The following CLIP4 variants were observed in gnomAD, a reference collection of about 807,000 sequenced individuals.
CLIP4 encodes the protein CAP-Gly domain containing linker protein family member 4.
A neutral mutation model predicts 73.1 loss-of-function variants in CLIP4; 47 were observed. The ratio of observed to expected loss-of-function variants is 0.64; its 90% CI spans 0.51 to 0.82. CLIP4 has a LOEUF of 0.82. Among genes scored for constraint, CLIP4 ranks in the 40% least tolerant of loss-of-function variants. The pLI is 0.00. For synonymous variants in CLIP4, 306 were observed against 295.4 expected (o/e 1.04, Z -0.37); for missense variants, 874 against 852.9 (o/e 1.02, Z -0.31).
In CLIP4 at chr2:29,177,104, G is replaced by GTAT. The variant is rs1233985153; in HGVS notation, c.1796+2660_1796+2662dup. On this transcript the variant is annotated intron_variant, in intron 15 of 15. Coordinates refer to ENST00000320081, the MANE Select transcript of CLIP4 (RefSeq NM_024692.6). Reference sequence around the variant, plus strand: ...TCTCTAAACTGTATGCTTTTCAGGAGTATAAAAAGTAACAAACAGTTTGGC... The same window carrying GTAT: ...TCTCTAAACTGTATGCTTTTCAGGAGTATTATAAAAAGTAACAAACAGTTTGGC... 1.7e-3 allele frequency among the ~76,000 whole-genome samples: 256 copies of GTAT among 151,984 alleles called. 5 individuals carry two copies. The highest frequency in any genetic ancestry group is 0.017 in the Admixed American group (254 of 15,256).
At chr2:29,119,171 C>T (rs1664084484) in intron 1 of CLIP4, among the ~76,000 whole-genome samples, 1 of 152,208 alleles carries the variant, frequency 6.6e-6, no homozygotes, top group African/African-American at 2.4e-5. Flanking sequence ...GTAGCTTCTT[C>T]TGGACTTGAA....
chr2:29,151,539 TAAG>T (rs1666568497), intron 8 of CLIP4, among the ~76,000 whole-genome samples: 1 of 151,026 alleles, frequency 6.6e-6, no homozygotes, highest in African/African-American at 2.4e-5. Flanking sequence ...TTAAAAAAGA[TAAG>T]AAAATCAGGA....
At chr2:29,169,230 C>CT (rs1190789358) in intron 14 of CLIP4, among the ~76,000 whole-genome samples, 1 of 152,090 alleles carries the variant, frequency 6.6e-6, no homozygotes, top group African/African-American at 2.4e-5. Context: ...CTCTAGAAGT[C>CT]TGAGATCAAG....
intron 4 of CLIP4, among the ~76,000 whole-genome samples, chr2:29,133,432 T>C (rs1043820316): frequency 6.6e-6 from 1 of 152,210 alleles, no homozygotes; most frequent in African/African-American, 2.4e-5. Flanking sequence ...TTTAGAATTA[T>C]ATTAACAATA....
intron 10 of CLIP4, among the ~76,000 whole-genome samples, chr2:29,156,993 G>A (rs1402018277): frequency 6.6e-6 from 1 of 151,928 alleles, no homozygotes; most frequent in African/African-American, 2.4e-5. Context: ...TCTTACCGTG[G>A]GAATCCTTAA....
chr2:29,156,658 T>C (rs1217181419), intron 10 of CLIP4, among the ~76,000 whole-genome samples: 1 of 152,176 alleles, frequency 6.6e-6, no homozygotes, highest in Non-Finnish European at 1.5e-5. Context: ...TTCTTTTACT[T>C]AAATTAGATA....
In CLIP4 at chr2:29,145,304, C is replaced by A; in HGVS notation, c.958C>A (p.Pro320Thr). 1 of 1,613,070 alleles carries A rather than the reference C, an allele frequency of 6.2e-7. No individual in the cohort carries two copies. The highest frequency in any genetic ancestry group is 1.7e-4 in the Middle Eastern group (1 of 6,058). Reference sequence around the variant, plus strand: ...GTGGGCTGGCATTGAACTGGATGAACCAGAAGGAAAAAATAATGGAAGTGT... The same window carrying A: ...GTGGGCTGGCATTGAACTGGATGAAACAGAAGGAAAAAATAATGGAAGTGT... ...GQWAGIELDE[P>T]EGKNNGSVGK... The change falls in exon 8 of 16, where the codon CCA becomes ACA. Residue 320 changes from proline (P) to threonine (T), a missense_variant. Transcript: ENST00000320081.
intron 6 of CLIP4, among the ~76,000 whole-genome samples, chr2:29,137,026 T>G (rs1665416392): frequency 1.3e-5 from 2 of 152,134 alleles, no homozygotes; most frequent in Admixed American, 1.3e-4. Context: ...CCATCTTATT[T>G]TTTAATTTTT....
At chr2:29,104,085 C>T (rs116120195) in intron 1 of CLIP4, among the ~76,000 whole-genome samples, 4,005 of 152,178 alleles carry the variant, frequency 0.026, 141 homozygotes, top group East Asian at 0.09. Context: ...CATCTGACTT[C>T]AACATTGAGA....
At chr2:29,154,020 C>A (rs1473564859) in intron 9 of CLIP4, among the ~76,000 whole-genome samples, 3 of 152,162 alleles carry the variant, frequency 2.0e-5, no homozygotes, top group African/African-American at 7.2e-5. Flanking sequence ...GAACTGACAT[C>A]TTTACAATAG....
chr2:29,135,460 G>A (rs1265613997), intron 5 of CLIP4, 88 bp from the exon 6 acceptor site: 3 of 855,740 alleles, frequency 3.5e-6, no homozygotes, highest in African/African-American at 1.7e-5. Flanking sequence ...AATGCTATAA[G>A]TCCCTCCTCC....
intron 15 of CLIP4, among the ~76,000 whole-genome samples, chr2:29,179,431 A>G (rs1668527113): frequency 6.6e-6 from 1 of 152,094 alleles, no homozygotes; most frequent in African/African-American, 2.4e-5. Context: ...GCCAGTACCC[A>G]TTCTGTTTGT....
At chr2:29,154,813 A>G (rs1410840118) in intron 9 of CLIP4, among the ~76,000 whole-genome samples, 3 of 152,192 alleles carry the variant, frequency 2.0e-5, no homozygotes, top group East Asian at 1.9e-4. Flanking sequence ...ACAAATTCAA[A>G]CAGCATTGCA....
At chr2:29,102,578 A>C (rs1039088407) in intron 1 of CLIP4, among the ~76,000 whole-genome samples, 13 of 151,188 alleles carry the variant, frequency 8.6e-5, no homozygotes, top group African/African-American at 3.2e-4. Context: ...TTCTTTTCCC[A>C]TACAAGGTGT....
rs531068744 is a variant in CLIP4 at position 29,122,483 on chromosome 2, C to T, written c.133+962C>T. Reference sequence around the variant, plus strand: ...ACTTCTAATTGTCTTATTTTCTTTCCTATATTGTAGCGCTTTGGGATGGAG... The same window carrying T: ...ACTTCTAATTGTCTTATTTTCTTTCTTATATTGTAGCGCTTTGGGATGGAG... On this transcript the variant is annotated intron_variant, in intron 2 of 15. Coordinates refer to ENST00000320081, the MANE Select transcript of CLIP4 (RefSeq NM_024692.6). 3.3e-5 allele frequency among the ~76,000 whole-genome samples: 5 copies of T among 152,050 alleles called. No homozygotes were observed. In the South Asian group the frequency reaches 1.0e-3, roughly 32 times the overall value.
rs749752688 is a variant in CLIP4, at chr2:29,119,712, C to T, written c.-15-1662C>T. Among the ~76,000 whole-genome samples the T allele has an allele frequency of 3.1e-4, 47 of 152,228 alleles. 2 individuals carry two copies. Among genetic ancestry groups the T allele is most frequent in the Middle Eastern group, 3.4e-3 (1 of 294 alleles). On this transcript the variant is annotated intron_variant, in intron 1 of 15. Transcript: ENST00000320081. ...CCTCTGACTGTTTTCCTAGTCATAT[C>T]CCAAGTTCCAGCCTACTGTTCTTTT...
intron 1 of CLIP4, chr2:29,118,065 C>T (rs577710487): frequency 5.3e-5 from 8 of 152,224 alleles, no homozygotes; most frequent in African/African-American, 1.4e-4. Context: ...TAAATACTTA[C>T]GTGGTGAGAT....
intron 8 of CLIP4, among the ~76,000 whole-genome samples, chr2:29,147,685 C>T (rs1187404526): frequency 1.3e-5 from 2 of 152,030 alleles, no homozygotes; most frequent in African/African-American, 2.4e-5. Flanking sequence ...TCACTTCAAA[C>T]ATTTATCATT....
chr2:29,102,269 A>G (rs901355805), intron 1 of CLIP4, among the ~76,000 whole-genome samples: 1 of 152,120 alleles, frequency 6.6e-6, no homozygotes, highest in Admixed American at 6.5e-5. Context: ...GCGTCTCTAG[A>G]TTTACATGGA....
Sources: allele counts gnomAD v4.1 joint callset (sites outside exome capture counted in the v4.1 genomes callset), GRCh38; gene constraint gnomAD v4.1.1; transcripts MANE v1.5; gene names NCBI Gene and HGNC (gene_info 2026-07-23, HGNC 2026-07-21).